Variants in VPS13C observed in about 807,000 individuals in gnomAD.
The protein encoded by VPS13C is intermembrane lipid transfer protein VPS13C.
In VPS13C, 358 loss-of-function variants were observed where a neutral mutation model predicts 456.8. The ratio of observed to expected loss-of-function variants is 0.78; its 90% CI spans 0.72 to 0.86. VPS13C has a LOEUF of 0.86. Among genes scored for constraint, VPS13C ranks in the 40% least tolerant of loss-of-function variants. The pLI, the probability that VPS13C is intolerant of heterozygous loss-of-function variation, is 0.00. For synonymous variants in VPS13C, 1,578 were observed against 1,486.7 expected, an observed-to-expected ratio of 1.06 and a Z score of -1.41; for missense variants, 4,818 against 4,385.4, an observed-to-expected ratio of 1.10 and a Z score of -2.79.
Position 61,884,284 on chromosome 15 carries a change from CAA to C in VPS13C, c.9342-17_9342-16del, listed in dbSNP as rs747302650. On this transcript the variant is annotated splice_polypyrimidine_tract_variant and intron_variant, in intron 67 of 84. Coordinates refer to ENST00000644861, the MANE Select transcript of VPS13C (RefSeq NM_020821.3). ...CAACACCAGAACTAAATAATTCACACAAAAAAATTAAATTAGCAATATGTATT... is the reference window on the plus strand; with the variant it reads ...CAACACCAGAACTAAATAATTCACACAAAAATTAAATTAGCAATATGTATT... 1 of 1,604,544 alleles carries C rather than the reference CAA, an allele frequency of 6.2e-7. No homozygotes were observed. Among genetic ancestry groups the C allele is most frequent in the East Asian group, 2.2e-5 (1 of 44,614 alleles).
intron 41 of VPS13C, 80 bp from the exon 42 acceptor site, chr15:61,949,685 A>G: frequency 7.2e-7 from 1 of 1,385,136 alleles, no homozygotes. Flanking sequence ...TATAAGTAGC[A>G]CAAGAACAGT....
At chr15:61,886,796 T>A (rs556696470) in intron 67 of VPS13C, among the ~76,000 whole-genome samples, 1 of 152,202 alleles carries the variant, frequency 6.6e-6, no homozygotes, top group Non-Finnish European at 1.5e-5. Context: ...GTCCTAACTA[T>A]AAAATGTATT....
intron 3 of VPS13C, among the ~76,000 whole-genome samples, chr15:62,040,546 CA>C (rs2048206453): frequency 6.6e-6 from 1 of 151,322 alleles, no homozygotes; most frequent in South Asian, 2.1e-4. Context: ...CTGGGGACTC[CA>C]AAAAGGGGTA....
intron 66 of VPS13C, among the ~76,000 whole-genome samples, chr15:61,893,537 G>A (rs1038961591): frequency 2.6e-5 from 4 of 151,356 alleles, no homozygotes; most frequent in Non-Finnish European, 4.4e-5. Context: ...AAAAAATTTG[G>A]AGGCATATAA....
intron 66 of VPS13C, among the ~76,000 whole-genome samples, chr15:61,902,674 C>T (rs527845721): frequency 1.1e-3 from 170 of 152,186 alleles, no homozygotes; most frequent in African/African-American, 3.4e-3. Flanking sequence ...TCTCAACAAA[C>T]TAGGCACAGA....
Position 61,858,412 on chromosome 15 carries a change from A to C in VPS13C, c.10953-2003T>G, listed in dbSNP as rs1894046455. Among the ~76,000 whole-genome samples, 1 of 151,768 alleles carries C rather than the reference A, an allele frequency of 6.6e-6. No homozygotes were observed. Reference sequence around the variant, plus strand: ...TATCATGTATTCCTTTCTCCTCTACATCCACTCAGTCACCAAGCCTTGTCT... The same window carrying C: ...TATCATGTATTCCTTTCTCCTCTACCTCCACTCAGTCACCAAGCCTTGTCT... On this transcript the variant is annotated intron_variant, in intron 82 of 84. Transcript: ENST00000644861. This position sits in a 1 kb window ranked among gnomAD's most constrained non-coding sequence, Gnocchi z 4.4.
At chr15:61,941,475 A>G (rs937617790) in intron 46 of VPS13C, among the ~76,000 whole-genome samples, 4 of 152,210 alleles carry the variant, frequency 2.6e-5, no homozygotes, top group African/African-American at 9.6e-5. Context: ...GCAAAGTGAG[A>G]AAAATAAAAA....
intron 16 of VPS13C, among the ~76,000 whole-genome samples, chr15:61,997,495 C>A (rs1322840119): frequency 6.6e-6 from 1 of 152,158 alleles, no homozygotes; most frequent in African/African-American, 2.4e-5. Flanking sequence ...GCCTACTCCA[C>A]TGCCCCTCTG....
chr15:61,917,402 T>C lies in VPS13C; in HGVS notation c.7994A>G (p.His2665Arg). ...GEDWDVAYII[H>R]LYPSLTLRNL... Reference sequence around the variant, plus strand: ...CCGCAAAGTGAGAGAAGGATAAAGATGAATAATGTAAGCTACATCCCAGTC... The same window carrying C: ...CCGCAAAGTGAGAGAAGGATAAAGACGAATAATGTAAGCTACATCCCAGTC... The change falls in exon 60 of 85, where the codon CAT (histidine) becomes CGT (arginine). Residue 2665 changes from histidine to arginine, a missense_variant. His to Arg is a conservative substitution (Grantham distance 29, BLOSUM62 0). Transcript: ENST00000644861. 5 of 1,613,996 alleles carry C rather than the reference T, an allele frequency of 3.1e-6. No individual in the cohort carries two copies. Among genetic ancestry groups the C allele is most frequent in the Non-Finnish European group, 4.2e-6 (5 of 1,179,896 alleles).
At chr15:61,999,821 A>G (rs532991340) in intron 16 of VPS13C, among the ~76,000 whole-genome samples, 1 of 151,774 alleles carries the variant, frequency 6.6e-6, no homozygotes, top group African/African-American at 2.4e-5. Flanking sequence ...AAGTGAAGGA[A>G]AGAGGAAGGA....
intron 76 of VPS13C, 57 bp downstream of exon 76, chr15:61,875,673 TAA>T: frequency 8.2e-7 from 1 of 1,215,204 alleles, no homozygotes; most frequent in Non-Finnish European, 1.2e-6. Flanking sequence ...TATTTGTTAT[TAA>T]AAAATAGACC....
chr15:62,021,671 A>C (rs889761112), intron 8 of VPS13C, among the ~76,000 whole-genome samples: 1 of 151,942 alleles, frequency 6.6e-6, no homozygotes, highest in African/African-American at 2.4e-5. Flanking sequence ...TAAATGGAAA[A>C]AAATCCATGT....
At chr15:62,003,528 T>C (rs970799931) in intron 15 of VPS13C, among the ~76,000 whole-genome samples, 12 of 152,164 alleles carry the variant, frequency 7.9e-5, no homozygotes, top group African/African-American at 2.4e-4. Flanking sequence ...TCCTGCCTAA[T>C]TGCCCTGGCC....
rs371942868 is a variant in VPS13C, at chr15:62,033,404, T to A, written c.385+37A>T. On this transcript the variant is annotated intron_variant, in intron 5 of 84. Transcript: ENST00000644861. ...AAGGATATTAATTATATCTAAAATA[T>A]AGGTATGTCTAAGTTTATCTCAAAA... 3.0e-6 allele frequency: 4 copies of A among 1,342,432 alleles called. No individual in the cohort carries two copies. In the East Asian group the frequency reaches 7.4e-5, roughly 25 times the overall value. The allele number at this position is 1,342,432 out of a possible 1,614,324, so 83.2% of individuals were successfully genotyped here. A position where few individuals can be genotyped will look rare whatever the true frequency, so the allele number is the denominator to read the frequency against.
intron 66 of VPS13C, among the ~76,000 whole-genome samples, chr15:61,897,365 A>G (rs2042857452): frequency 6.6e-6 from 1 of 152,316 alleles, no homozygotes; most frequent in East Asian, 1.9e-4. Flanking sequence ...AAAAATTTAG[A>G]AGAATGTATA....
chr15:61,962,891 T>C, intron 32 of VPS13C, 39 bp from the exon 33 acceptor site: 2 of 1,361,848 alleles, frequency 1.5e-6, no homozygotes, highest in Non-Finnish European at 2.0e-6. Flanking sequence ...TCTACAGACC[T>C]ACCATAAATA....
intron 3 of VPS13C, among the ~76,000 whole-genome samples, chr15:62,038,058 A>C (rs1213186672): frequency 6.6e-6 from 1 of 152,164 alleles, no homozygotes; most frequent in Non-Finnish European, 1.5e-5. Flanking sequence ...GCGTAATAGC[A>C]GGGTGATAAA....
chr15:61,880,725 G>A lies in VPS13C; in HGVS notation c.9889-3C>T, dbSNP rs778990310. The A allele has an allele frequency of 3.5e-5, 55 of 1,561,690 alleles. No homozygotes were observed. The highest frequency in any genetic ancestry group is 4.2e-5 in the Non-Finnish European group (49 of 1,154,494). On this transcript the variant is annotated splice_polypyrimidine_tract_variant and splice_region_variant and intron_variant, in intron 72 of 84. Transcript: ENST00000644861. ...ATATCTTGTTGGATTAACTTTGTCT[G>A]AAAAAAATAAAATCAAGAATTTCTA...
intron 1 of VPS13C, among the ~76,000 whole-genome samples, chr15:62,056,760 GATAGC>G (rs1375982422): frequency 1.3e-5 from 2 of 152,170 alleles, no homozygotes; most frequent in Non-Finnish European, 2.9e-5. Context: ...CTGCCTTCTA[GATAGC>G]AGTAGTCAAT....
Sources: gnomAD v4.1 joint callset for allele counts (sites outside exome capture counted in the v4.1 genomes callset) on GRCh38, gnomAD v4.1.1 for gene constraint, Gnocchi (gnomAD v3.1) non-coding constraint, MANE v1.5 for transcripts, NCBI Gene and HGNC (gene_info 2026-07-23, HGNC 2026-07-21) for gene names.